ARHGAP10: variants seen among roughly 807,000 people sequenced by gnomAD.
ARHGAP10 encodes the protein Rho GTPase activating protein 10.
Under a neutral mutation model 108.6 loss-of-function variants are expected in ARHGAP10, and 87 were observed. That is an observed-to-expected ratio of 0.80 (90% CI 0.67 to 0.96). The LOEUF (loss-of-function observed/expected upper bound fraction) is 0.96. ARHGAP10 is among the 40% of genes least tolerant of loss of function. The probability of loss-of-function intolerance (pLI) is 0.00; values close to 1 mark genes in which losing one functional copy is unlikely to be tolerated. For synonymous variants in ARHGAP10, 347 were observed against 341.1 expected, an observed-to-expected ratio of 1.02 and a Z score of -0.19; for missense variants, 939 against 954.5, an observed-to-expected ratio of 0.98 and a Z score of 0.21.
intron 13 of ARHGAP10, among the ~76,000 whole-genome samples, chr4:147,920,486 G>A (rs1162930399): frequency 6.6e-6 from 1 of 152,064 alleles, no homozygotes; most frequent in Non-Finnish European, 1.5e-5. Context: ...GAAAATAGCA[G>A]AACGTTCTTT....
chr4:147,818,581 A>G (rs1488655234), intron 1 of ARHGAP10, among the ~76,000 whole-genome samples: 1 of 152,000 alleles, frequency 6.6e-6, no homozygotes, highest in African/African-American at 2.4e-5. Flanking sequence ...AAAAAAAAAA[A>G]AAAAGTTAGT....
intron 13 of ARHGAP10, among the ~76,000 whole-genome samples, chr4:147,937,525 G>A (rs1430386186): frequency 5.3e-5 from 8 of 152,102 alleles, no homozygotes; most frequent in Non-Finnish European, 2.9e-5. Context: ...TAAAAAATAA[G>A]GAATAAAAAG....
chr4:147,921,933 C>T (rs749340635), intron 13 of ARHGAP10, among the ~76,000 whole-genome samples: 1 of 152,164 alleles, frequency 6.6e-6, no homozygotes, highest in Non-Finnish European at 1.5e-5. Flanking sequence ...TGTGCAGCCA[C>T]CATGATTTGT....
At chr4:147,983,191 T>G (rs1739896641) in intron 18 of ARHGAP10, among the ~76,000 whole-genome samples, 1 of 147,806 alleles carries the variant, frequency 6.8e-6, no homozygotes, top group Non-Finnish European at 1.5e-5. Context: ...TGCTTTGTTT[T>G]TTTTTTTTTT....
chr4:147,895,512 C>A (rs1462676371), intron 10 of ARHGAP10, among the ~76,000 whole-genome samples: 582 of 85,064 alleles, frequency 6.8e-3, no homozygotes, highest in African/African-American at 0.01. Context: ...GACCCTGTCT[C>A]AAAAAAAAAA....
rs752165850 is a variant in ARHGAP10 at position 147,879,275 on chromosome 4, G to A, written c.876G>A (p.Met292Ile). 6.2e-7 allele frequency: 1 copy of A among 1,614,086 alleles called. No homozygotes were observed. The highest frequency in any genetic ancestry group is 1.7e-5 in the Admixed American group (1 of 60,022). The part of the protein sequence containing the change: ...FGSSWVKHYC[M>I]YRKAAKKFNM... ...CCAGTTGGGTCAAACACTATTGCAT[G>A]TATCGAAAAGCAGCAAAGAAGTTCA... is the stretch of plus-strand genomic sequence containing the variant. Residue 292 changes from methionine to isoleucine, a missense_variant, in exon 9 of 23, where the codon ATG becomes ATA. Met to Ile is a conservative substitution (Grantham distance 10). Transcript: ENST00000336498.
At chr4:147,846,899 G>A (rs954567464) in intron 3 of ARHGAP10, among the ~76,000 whole-genome samples, 13 of 152,196 alleles carry the variant, frequency 8.5e-5, no homozygotes, top group Non-Finnish European at 1.5e-4. Context: ...CTGTTTTGTG[G>A]AAGAGAGTTG....
intron 1 of ARHGAP10, among the ~76,000 whole-genome samples, chr4:147,808,505 A>T (rs527422366): frequency 6.6e-6 from 1 of 152,216 alleles, no homozygotes; most frequent in South Asian, 2.1e-4. Context: ...TAAGCAGGGG[A>T]GTAAGGAGAT....
intron 13 of ARHGAP10, 44 bp from the exon 14 acceptor site, chr4:147,939,781 T>C: frequency 1.3e-6 from 2 of 1,529,494 alleles, no homozygotes; most frequent in Non-Finnish European, 1.8e-6. Context: ...GCTTTTAAAA[T>C]ATGATAGTCT....
In ARHGAP10 at chr4:148,046,895, A is replaced by G; in HGVS notation, c.1871A>G (p.Asp624Gly). The change falls in exon 20 of 23, where the codon GAC becomes GGC. Residue 624 changes from aspartate to glycine, a missense_variant. Physicochemically the swap from Asp to Gly is moderately conservative, Grantham distance 94. Coordinates refer to ENST00000336498, the MANE Select transcript of ARHGAP10 (RefSeq NM_024605.4). The part of the protein sequence containing the change: ...YNLCLELEDG[D>G]NPYPSKEDTP... ...TCAATGCTTTTTTTCCTCCTAGGTG[A>G]CAATCCTTACCCTTCCAAGGAGGAC... The G allele has an allele frequency of 1.9e-6, 3 of 1,611,282 alleles. No homozygotes were observed. Among genetic ancestry groups the G allele is most frequent in the Non-Finnish European group, 2.5e-6 (3 of 1,178,898 alleles).
At chr4:147,761,929 C>G (rs1729606482) in intron 1 of ARHGAP10, among the ~76,000 whole-genome samples, 2 of 152,216 alleles carry the variant, frequency 1.3e-5, no homozygotes, top group Admixed American at 6.5e-5. Context: ...TTTTCTTGTT[C>G]ATTCTCTTGA....
intron 10 of ARHGAP10, among the ~76,000 whole-genome samples, chr4:147,896,993 A>AT (rs1232647011): frequency 9.9e-5 from 15 of 152,040 alleles, no homozygotes; most frequent in Middle Eastern, 3.4e-3. Flanking sequence ...TATCGAAAGG[A>AT]TTTTTTTGCA....
intron 1 of ARHGAP10, among the ~76,000 whole-genome samples, chr4:147,813,424 C>T (rs146809197): frequency 5.2e-4 from 79 of 152,180 alleles, no homozygotes; most frequent in Middle Eastern, 3.4e-3. Context: ...CATGGCCTTC[C>T]GTGGGAAAAA....
chr4:147,829,891 G>T (rs572338535), intron 3 of ARHGAP10, among the ~76,000 whole-genome samples: 1 of 152,324 alleles, frequency 6.6e-6, no homozygotes, highest in South Asian at 2.1e-4. Flanking sequence ...GCAAATAAGG[G>T]CAATTGGTTG....
intron 1 of ARHGAP10, among the ~76,000 whole-genome samples, chr4:147,799,404 T>G (rs1163947302): frequency 6.6e-6 from 1 of 152,214 alleles, no homozygotes; most frequent in African/African-American, 2.4e-5. Flanking sequence ...CAGCCATTAT[T>G]TCTTTGAATA....
At chr4:147,912,570 T>TATAG (rs1736795635) in intron 12 of ARHGAP10, among the ~76,000 whole-genome samples, 1 of 108,276 alleles carries the variant, frequency 9.2e-6, no homozygotes, top group African/African-American at 5.6e-5. Flanking sequence ...TATATATATA[T>TATAG]ATATATATAT....
chr4:147,839,587 G>C (rs1733329651), intron 3 of ARHGAP10, among the ~76,000 whole-genome samples: 1 of 152,200 alleles, frequency 6.6e-6, no homozygotes, highest in Admixed American at 6.5e-5. Context: ...GTATGCCTTT[G>C]TTGTGTTTTT....
intron 20 of ARHGAP10, among the ~76,000 whole-genome samples, chr4:148,050,136 G>A (rs2149682333): frequency 6.6e-6 from 1 of 152,172 alleles, no homozygotes. Flanking sequence ...CAAAATGCTG[G>A]GATTACAGGC....
intron 18 of ARHGAP10, among the ~76,000 whole-genome samples, chr4:148,007,535 G>C (rs528975478): frequency 2.6e-5 from 4 of 152,164 alleles, no homozygotes; most frequent in African/African-American, 9.7e-5. Flanking sequence ...CTCCTTCAGC[G>C]ATTCATGAGT....
Sources: gnomAD v4.1 joint callset for allele counts (sites outside exome capture counted in the v4.1 genomes callset) on GRCh38, gnomAD v4.1.1 for gene constraint, MANE v1.5 for transcripts, NCBI Gene and HGNC (gene_info 2026-07-23, HGNC 2026-07-21) for gene names.